PAPPA2: variants seen among roughly 807,000 people sequenced by gnomAD.
PAPPA2 encodes pappalysin-2.
Under a neutral mutation model 176.4 loss-of-function variants are expected in PAPPA2, and 86 were observed. That is an observed-to-expected ratio of 0.49 (90% CI 0.41 to 0.58). The LOEUF (loss-of-function observed/expected upper bound fraction) is 0.58. Among genes scored for constraint, PAPPA2 ranks in the 20% least tolerant of loss-of-function variants. The probability of loss-of-function intolerance (pLI) is 0.00; values close to 1 mark genes in which losing one functional copy is unlikely to be tolerated. For missense variants in PAPPA2, 2,073 were observed against 2,256.9 expected (o/e 0.92, Z 1.65); for synonymous variants, 809 against 852.2 (o/e 0.95, Z 0.88).
rs1056088786 is a variant in PAPPA2, at chr1:176,842,580, G to A, written c.*126G>A. The A allele has an allele frequency of 1.1e-6, 1 of 886,398 alleles. No individual in the cohort carries two copies. The highest frequency in any genetic ancestry group is 1.8e-6 in the Non-Finnish European group (1 of 568,508). The allele number at this position is 886,398 out of a possible 1,614,324, so 54.9% of individuals were successfully genotyped here. A position where few individuals can be genotyped will look rare whatever the true frequency, so the allele number is the denominator to read the frequency against. ...ATGGAAGAAGGAGGAAGAGCATGAA[G>A]GATCTTATAAGAAATGCAAGAGGAT... is the stretch of plus-strand genomic sequence containing the variant. On this transcript the variant is annotated 3_prime_UTR_variant, in exon 23 of 23. Coordinates refer to ENST00000367662, the MANE Select transcript of PAPPA2 (RefSeq NM_020318.3).
chr1:176,732,994 A>C (rs1662232187), intron 12 of PAPPA2, among the ~76,000 whole-genome samples: 1 of 152,124 alleles, frequency 6.6e-6, no homozygotes, highest in Non-Finnish European at 1.5e-5. Flanking sequence ...AGGTGCTCAT[A>C]GGAGAGCAAA....
At chr1:176,742,934 C>T (rs1159159784) in intron 14 of PAPPA2, among the ~76,000 whole-genome samples, 1 of 152,074 alleles carries the variant, frequency 6.6e-6, no homozygotes, top group Non-Finnish European at 1.5e-5. Flanking sequence ...ACCAGTGGCC[C>T]ATCCCTCCTG....
chr1:176,782,371 G>A (rs561152702), intron 17 of PAPPA2, among the ~76,000 whole-genome samples: 5 of 152,204 alleles, frequency 3.3e-5, no homozygotes, highest in African/African-American at 7.2e-5. Context: ...CTGATGATAA[G>A]CAAGTAAAAC....
intron 1 of PAPPA2, among the ~76,000 whole-genome samples, chr1:176,495,879 C>A (rs1380958842): frequency 1.3e-5 from 2 of 151,978 alleles, no homozygotes; most frequent in South Asian, 2.1e-4. Context: ...GCGATCCTCC[C>A]GCTCCATCTT....
chr1:176,732,353 A>G (rs1355208425), intron 12 of PAPPA2, among the ~76,000 whole-genome samples: 1 of 152,204 alleles, frequency 6.6e-6, no homozygotes, highest in African/African-American at 2.4e-5. Flanking sequence ...TTTTACCATT[A>G]ACCAGTTAAG....
intron 17 of PAPPA2, among the ~76,000 whole-genome samples, 188 bp from the exon 18 acceptor site, chr1:176,789,621 A>G (rs1479261503): frequency 3.3e-5 from 5 of 152,262 alleles, no homozygotes; most frequent in Admixed American, 2.0e-4. Context: ...TACTTTGAAT[A>G]ATAAATGAAC....
Position 176,602,137 on chromosome 1 carries a change from GTTTCTGAAGCCTGTGATGGGCTAA to G in PAPPA2, c.1991+6567_1991+6590del, listed in dbSNP as rs373074331. On this transcript the variant is annotated intron_variant, in intron 3 of 22. Transcript: ENST00000367662. The stretch of plus-strand genomic sequence containing the variant: ...CTGCATATTTGTTTTCTCTATATTT[GTTTCTGAAGCCTGTGATGGGCTAA>G]TTTCTGAAGCCTGTGATGGGCTAAC... Among the ~76,000 whole-genome samples, 11 of 152,270 alleles carry G rather than the reference GTTTCTGAAGCCTGTGATGGGCTAA, an allele frequency of 7.2e-5. 1 individual carries two copies. Among genetic ancestry groups the G allele is most frequent in the Admixed American group, 1.3e-4 (2 of 15,296 alleles).
chr1:176,616,600 G>A (rs1655276680), intron 3 of PAPPA2: 5 of 1,564,786 alleles, frequency 3.2e-6, no homozygotes, highest in Middle Eastern at 2.1e-4. Flanking sequence ...TTGAGAACAT[G>A]GATACCTTCT....
intron 1 of PAPPA2, among the ~76,000 whole-genome samples, chr1:176,500,226 T>C (rs950230195): frequency 4.6e-5 from 7 of 152,082 alleles, no homozygotes; most frequent in Non-Finnish European, 1.0e-4. Flanking sequence ...AATTGGAACA[T>C]TTTCCTATTT....
intron 14 of PAPPA2, among the ~76,000 whole-genome samples, chr1:176,763,915 A>G (rs115335122): frequency 2.1e-3 from 315 of 152,294 alleles, no homozygotes; most frequent in Non-Finnish European, 2.6e-3. Flanking sequence ...TTATAAAGAA[A>G]AGAGATTCAC....
chr1:176,611,550 T>C (rs1271777472), intron 3 of PAPPA2, among the ~76,000 whole-genome samples: 1 of 152,194 alleles, frequency 6.6e-6, no homozygotes, highest in Non-Finnish European at 1.5e-5. Flanking sequence ...ATTTGTACCT[T>C]TCTGTATGAT....
At chr1:176,633,308 A>G (rs1656462807) in intron 3 of PAPPA2, among the ~76,000 whole-genome samples, 1 of 152,146 alleles carries the variant, frequency 6.6e-6, no homozygotes, top group African/African-American at 2.4e-5. Flanking sequence ...AGGCTGAAGG[A>G]TGAGGAGGTT....
intron 2 of PAPPA2, among the ~76,000 whole-genome samples, chr1:176,568,529 G>A (rs1019709691): frequency 1.3e-5 from 2 of 152,218 alleles, no homozygotes; most frequent in African/African-American, 4.8e-5. Context: ...ACTGTGCTAT[G>A]TTGTCACTAT....
intron 21 of PAPPA2, among the ~76,000 whole-genome samples, chr1:176,833,044 GC>G (rs1667137462): frequency 1.3e-5 from 2 of 152,162 alleles, no homozygotes; most frequent in Non-Finnish European, 2.9e-5. Context: ...TGCATGAGAG[GC>G]CACACAAGTA....
At chr1:176,670,306 CA>C (rs1161238872) in intron 3 of PAPPA2, among the ~76,000 whole-genome samples, 1 of 152,144 alleles carries the variant, frequency 6.6e-6, no homozygotes, top group African/African-American at 2.4e-5. Context: ...CTAGTGCTTT[CA>C]AAGTCACCAA....
chr1:176,540,155 T>C (rs752419112), intron 1 of PAPPA2, among the ~76,000 whole-genome samples: 1 of 152,228 alleles, frequency 6.6e-6, no homozygotes, highest in Non-Finnish European at 1.5e-5. Context: ...AATACACAAA[T>C]AATAAGACAC....
chr1:176,636,378 A>T (rs1051742006), intron 3 of PAPPA2, among the ~76,000 whole-genome samples: 1 of 152,136 alleles, frequency 6.6e-6, no homozygotes. Flanking sequence ...ATAAGCTCCA[A>T]ATGTAAATAG....
chr1:176,602,962 C>T (rs375380312), intron 3 of PAPPA2, among the ~76,000 whole-genome samples: 3 of 152,350 alleles, frequency 2.0e-5, no homozygotes, highest in African/African-American at 7.2e-5. Flanking sequence ...TCCCCAGTTT[C>T]TCTGTTCACC....
intron 20 of PAPPA2, among the ~76,000 whole-genome samples, chr1:176,799,192 T>A (rs1665565744): frequency 6.6e-6 from 1 of 152,234 alleles, no homozygotes; most frequent in Admixed American, 6.5e-5. Context: ...GAGAACCTTC[T>A]TTTCTCTTTG....
Sources: allele counts gnomAD v4.1 joint callset (sites outside exome capture counted in the v4.1 genomes callset), GRCh38; gene constraint gnomAD v4.1.1; transcripts MANE v1.5; gene names NCBI Gene and HGNC (gene_info 2026-07-23, HGNC 2026-07-21).